The following TPRG1 variants were observed in gnomAD, a reference collection of about 807,000 sequenced individuals.
TPRG1 encodes the protein tumor protein p63-regulated gene 1 protein.
In TPRG1, 29 loss-of-function variants were observed where a neutral mutation model predicts 29.3. That is an observed-to-expected ratio of 0.99 (90% CI 0.74 to 1.35). TPRG1 has a LOEUF of 1.35. Among genes scored for constraint, TPRG1 ranks in the 40% most tolerant of loss-of-function variants. TPRG1 has a pLI of 0.00. For missense variants in TPRG1, 327 were observed against 335.0 expected, an observed-to-expected ratio of 0.98 and a Z score of 0.19; for synonymous variants, 130 against 116.8, an observed-to-expected ratio of 1.11 and a Z score of -0.73.
chr3:189,234,553 C>T (rs1026255978), intron 3 of TPRG1, among the ~76,000 whole-genome samples: 1 of 152,134 alleles, frequency 6.6e-6, no homozygotes, highest in Non-Finnish European at 1.5e-5. Flanking sequence ...TGTTTATTGA[C>T]AGAAAATACG....
intron 3 of TPRG1, among the ~76,000 whole-genome samples, chr3:189,133,750 A>T (rs937739783): frequency 6.6e-6 from 1 of 152,184 alleles, no homozygotes; most frequent in Non-Finnish European, 1.5e-5. Context: ...CACTTACAGC[A>T]TTCCATCTCG....
At chr3:189,111,793 A>G (rs1349862460) in intron 1 of TPRG1, among the ~76,000 whole-genome samples, 1 of 152,098 alleles carries the variant, frequency 6.6e-6, no homozygotes, top group East Asian at 1.9e-4. Context: ...CAATCATGTT[A>G]CCTATGAATC....
chr3:189,082,585 G>C (rs1195038114), intron 4 of TPRG1, among the ~76,000 whole-genome samples: 1 of 152,142 alleles, frequency 6.6e-6, no homozygotes, highest in Non-Finnish European at 1.5e-5. Flanking sequence ...TCCAAGTCAA[G>C]ATTTGTGACA....
intron 1 of TPRG1, among the ~76,000 whole-genome samples, chr3:189,101,692 G>A (rs1719222247): frequency 6.6e-6 from 1 of 151,802 alleles, no homozygotes; most frequent in Non-Finnish European, 1.5e-5. Context: ...CCCTTCATCT[G>A]TTCTCTGATA....
chr3:189,067,703 C>G (rs181809990), intron 4 of TPRG1, among the ~76,000 whole-genome samples: 1 of 152,056 alleles, frequency 6.6e-6, no homozygotes, highest in African/African-American at 2.4e-5. Flanking sequence ...AATGTAAGAC[C>G]TCAAGCTATG....
chr3:189,134,403 CTTTT>C (rs56318082), intron 3 of TPRG1, among the ~76,000 whole-genome samples: 43,759 of 121,586 alleles, frequency 0.36, 8,264 homozygotes, highest in African/African-American at 0.57. Context: ...TGGGGGTATC[CTTTT>C]TTTTTTTTTT....
intron 1 of TPRG1, among the ~76,000 whole-genome samples, chr3:189,179,391 A>G (rs1342406951): frequency 6.6e-6 from 1 of 152,194 alleles, no homozygotes; most frequent in Non-Finnish European, 1.5e-5. Flanking sequence ...GTAACTTCCT[A>G]GAGTGACATA....
intron 4 of TPRG1, among the ~76,000 whole-genome samples, chr3:189,298,695 A>C (rs1720344611): frequency 6.6e-6 from 1 of 152,216 alleles, no homozygotes; most frequent in Non-Finnish European, 1.5e-5. Context: ...GCCATAACCT[A>C]GAGAGTGTGT....
chr3:189,232,861 G>GA (rs1485166409), intron 3 of TPRG1, among the ~76,000 whole-genome samples: 1 of 152,158 alleles, frequency 6.6e-6, no homozygotes, highest in East Asian at 1.9e-4. Context: ...GGTCTTCCAC[G>GA]ACTCCACTTA....
At chr3:189,210,940 A>G (rs987656641) in intron 2 of TPRG1, among the ~76,000 whole-genome samples, 4 of 152,190 alleles carry the variant, frequency 2.6e-5, no homozygotes, top group Non-Finnish European at 5.9e-5. Flanking sequence ...GGTATTTTCT[A>G]TTATTAAAGT....
exon 3 of TPRG1, chr3:189,004,641 C>T (rs185236561): frequency 6.6e-6 from 1 of 152,080 alleles, no homozygotes; most frequent in Admixed American, 6.6e-5. Flanking sequence ...GGAGCAGAAC[C>T]CTTCGCAAAC....
At chr3:189,232,529 A>G (rs923162126) in intron 3 of TPRG1, among the ~76,000 whole-genome samples, 1 of 152,226 alleles carries the variant, frequency 6.6e-6, no homozygotes, top group Non-Finnish European at 1.5e-5. Context: ...GTTACACCAC[A>G]CTACTCTTCC....
intron 1 of TPRG1, among the ~76,000 whole-genome samples, chr3:189,180,582 G>A (rs1011056560): frequency 1.3e-5 from 2 of 152,320 alleles, no homozygotes; most frequent in Middle Eastern, 6.8e-3. Context: ...TTGACTTCAT[G>A]TCTCACATCC....
intron 3 of TPRG1, among the ~76,000 whole-genome samples, chr3:189,228,438 G>T (rs955119594): frequency 6.6e-6 from 1 of 151,822 alleles, no homozygotes; most frequent in Admixed American, 6.6e-5. Flanking sequence ...ACCCAAAGTG[G>T]GTATATTCTA....
At chr3:189,181,499 T>G (rs1486358158) in intron 1 of TPRG1, among the ~76,000 whole-genome samples, 1 of 152,156 alleles carries the variant, frequency 6.6e-6, no homozygotes, top group African/African-American at 2.4e-5. Flanking sequence ...TCCACAAATC[T>G]CTAGGGCAGG....
At chr3:189,034,571 A>T (rs533443267) in intron 4 of TPRG1, among the ~76,000 whole-genome samples, 2 of 152,334 alleles carry the variant, frequency 1.3e-5, no homozygotes, top group African/African-American at 4.8e-5. Flanking sequence ...ATAAAGGCAA[A>T]TGAATAGCTG....
intron 4 of TPRG1, among the ~76,000 whole-genome samples, chr3:189,276,156 G>A (rs895423594): frequency 2.6e-5 from 4 of 152,092 alleles, no homozygotes; most frequent in Non-Finnish European, 5.9e-5. Flanking sequence ...GTGAAGGGAG[G>A]CCAGTGAAGA....
At chr3:189,211,839 A>G (rs148641579) in intron 2 of TPRG1, 1 of 152,192 alleles carries the variant, frequency 6.6e-6, no homozygotes, top group Non-Finnish European at 1.5e-5. Context: ...ATGAATGAAA[A>G]GTCACAGAAA....
At chr3:189,305,414 C>T (rs983805148) in intron 4 of TPRG1, among the ~76,000 whole-genome samples, 1 of 152,212 alleles carries the variant, frequency 6.6e-6, no homozygotes. Flanking sequence ...TTTCCTTCTT[C>T]CAACCTGTAG....
Sources: gnomAD v4.1 joint callset for allele counts (sites outside exome capture counted in the v4.1 genomes callset) on GRCh38, gnomAD v4.1.1 for gene constraint, MANE v1.5 for transcripts, NCBI Gene and HGNC (gene_info 2026-07-23, HGNC 2026-07-21) for gene names.